TBX20: variants seen among roughly 807,000 people sequenced by gnomAD.
TBX20 encodes T-box transcription factor 20, also known as T-box transcription factor TBX20.
A neutral mutation model predicts 42.9 loss-of-function variants in TBX20; 8 were observed. The ratio of observed to expected loss-of-function variants is 0.19; its 90% CI spans 0.11 to 0.34. The LOEUF (loss-of-function observed/expected upper bound fraction) is 0.34. Among genes scored for constraint, TBX20 ranks in the 10% least tolerant of loss-of-function variants. The pLI is 1.00. For synonymous variants in TBX20, 198 were observed against 222.8 expected (o/e 0.89, Z 0.99); for missense variants, 411 against 566.0 (o/e 0.73, Z 2.78).
At chr7:35,243,569 A>T (rs570303973) in intron 4 of TBX20, among the ~76,000 whole-genome samples, 1 of 152,332 alleles carries the variant, frequency 6.6e-6, no homozygotes, top group East Asian at 1.9e-4. Context: ...CTTTCCCTGC[A>T]AAAATTTCCA....
intron 5 of TBX20, among the ~76,000 whole-genome samples, chr7:35,238,248 A>C (rs1293174135): frequency 1.3e-5 from 2 of 152,192 alleles, no homozygotes; most frequent in Admixed American, 6.5e-5. Flanking sequence ...AGACCCTCCT[A>C]TGATATGAGA....
At chr7:35,211,827 C>T (rs1165791056) in intron 6 of TBX20, among the ~76,000 whole-genome samples, 3 of 152,020 alleles carry the variant, frequency 2.0e-5, no homozygotes, top group Non-Finnish European at 2.9e-5. Flanking sequence ...TTATGTAATA[C>T]GTCTATCATT....
At position 35,249,821 on chromosome 7, in the gene TBX20, G is replaced by T; in HGVS notation, c.380+130C>A. The T allele has an allele frequency of 1.9e-6, 2 of 1,035,150 alleles. No homozygotes were observed. The highest frequency in any genetic ancestry group is 2.5e-5 in the East Asian group (1 of 39,404). The allele number at this position is 1,035,150 out of a possible 1,614,324, so 64.1% of individuals were successfully genotyped here. The stretch of plus-strand genomic sequence containing the variant: ...TAATGCAAGCTGGTGGAAAGCAGCT[G>T]CCCTGGAGCCAAGCTGTCTCTCCGC... On this transcript the variant is annotated intron_variant, in intron 2 of 7. Coordinates refer to ENST00000408931, the MANE Select transcript of TBX20 (RefSeq NM_001077653.2). The surrounding 1 kb of genome is among the most constrained non-coding windows in gnomAD (Gnocchi z 4.3).
At chr7:35,204,339 C>A in intron 7 of TBX20, 131 bp downstream of exon 7, 1 of 724,544 alleles carries the variant, frequency 1.4e-6, no homozygotes, top group Non-Finnish European at 2.5e-6. Context: ...TCTCCCTTCC[C>A]AAGGAGGCTC....
rs557609712 is a variant in TBX20, at chr7:35,212,334, A to G, written c.891-7752T>C. On this transcript the variant is annotated intron_variant, in intron 6 of 7. Coordinates refer to ENST00000408931, the MANE Select transcript of TBX20 (RefSeq NM_001077653.2). ...GAATGTATGGAATACAATCATACTA[A>G]GTGTCTGAATGTCCTTGTTATTAAT... Among the ~76,000 whole-genome samples, 18 of 152,278 alleles carry G rather than the reference A, an allele frequency of 1.2e-4. No homozygotes were observed. The South Asian group carries it at 3.7e-3, about 32-fold the overall frequency.
At chr7:35,238,689 G>A (rs1029083867) in intron 5 of TBX20, among the ~76,000 whole-genome samples, 2 of 152,210 alleles carry the variant, frequency 1.3e-5, no homozygotes, top group Non-Finnish European at 2.9e-5. Context: ...CAGATTCGCA[G>A]AGAAACAGCA....
In TBX20 at chr7:35,227,500, T is replaced by C. The variant is rs188005816; in HGVS notation, c.890+4004A>G. ...TTTAATGTTTAGGTACATAAATACC[T>C]ACCCTTGCATTACAATTGCTTACAG... On this transcript the variant is annotated intron_variant, in intron 6 of 7. Coordinates refer to ENST00000408931, the MANE Select transcript of TBX20 (RefSeq NM_001077653.2). Among the ~76,000 whole-genome samples, 325 of 152,292 alleles carry C rather than the reference T, an allele frequency of 2.1e-3. 6 individuals are homozygous for C. The highest frequency in any genetic ancestry group is 7.4e-3 in the African/African-American group (309 of 41,572).
chr7:35,246,828 C>T (rs189889008), intron 3 of TBX20, among the ~76,000 whole-genome samples: 106 of 151,960 alleles, frequency 7.0e-4, no homozygotes, highest in Middle Eastern at 6.8e-3. Flanking sequence ...AGAATAGTTG[C>T]TAAATTATCT....
chr7:35,211,429 T>A (rs578185147), intron 6 of TBX20, among the ~76,000 whole-genome samples: 16 of 152,296 alleles, frequency 1.1e-4, no homozygotes, highest in African/African-American at 3.8e-4. Flanking sequence ...GGTGGTGAAT[T>A]CTTCGCCTTT....
At chr7:35,237,654 G>T (rs1789992013) in intron 5 of TBX20, among the ~76,000 whole-genome samples, 1 of 152,072 alleles carries the variant, frequency 6.6e-6, no homozygotes, top group Non-Finnish European at 1.5e-5. Context: ...GGCATGTGAG[G>T]TTCATTTTAC....
At chr7:35,229,172 C>A (rs112055357) in intron 6 of TBX20, among the ~76,000 whole-genome samples, 2 of 152,100 alleles carry the variant, frequency 1.3e-5, no homozygotes, top group Admixed American at 1.3e-4. Flanking sequence ...ACATCATATT[C>A]AATTAGGTTA....
chr7:35,225,353 C>G (rs3864451), intron 6 of TBX20, among the ~76,000 whole-genome samples: 59,689 of 151,942 alleles, frequency 0.39, 13,306 homozygotes, highest in Middle Eastern at 0.53. Context: ...CATAATAACC[C>G]AAATTATTAT....
At chr7:35,244,549 G>A (rs1346021) in intron 4 of TBX20, among the ~76,000 whole-genome samples, 55,486 of 152,028 alleles carry the variant, frequency 0.36, 10,479 homozygotes, top group Admixed American at 0.46. Flanking sequence ...CCCCATCAGA[G>A]GTCCTAGCCC....
intron 5 of TBX20, among the ~76,000 whole-genome samples, chr7:35,234,410 C>T (rs1471088824): frequency 2.0e-5 from 3 of 152,196 alleles, no homozygotes; most frequent in Non-Finnish European, 4.4e-5. Context: ...TCTCAAAACA[C>T]ATGTTGCTCA....
At chr7:35,235,726 TC>T (rs1285401285) in intron 5 of TBX20, among the ~76,000 whole-genome samples, 11 of 152,174 alleles carry the variant, frequency 7.2e-5, no homozygotes, top group Admixed American at 2.0e-4. Flanking sequence ...AAATGTTCAC[TC>T]TTTTGGCATC....
At chr7:35,219,005 T>C (rs1222427268) in intron 6 of TBX20, among the ~76,000 whole-genome samples, 1 of 152,092 alleles carries the variant, frequency 6.6e-6, no homozygotes, top group East Asian at 1.9e-4. Flanking sequence ...GCCTCCAGAG[T>C]TGTAAGAAAT....
chr7:35,224,629 G>A (rs1415027295), intron 6 of TBX20, among the ~76,000 whole-genome samples: 20 of 151,292 alleles, frequency 1.3e-4, no homozygotes, highest in South Asian at 2.1e-4. Context: ...CTGAGATCGC[G>A]CCACTGCACT....
At chr7:35,231,837 T>A (rs1789872545) in intron 5 of TBX20, among the ~76,000 whole-genome samples, 1 of 152,088 alleles carries the variant, frequency 6.6e-6, no homozygotes, top group Non-Finnish European at 1.5e-5. Context: ...AAGGGAGCCT[T>A]TGAGGCAAAA....
chr7:35,216,124 A>C (rs1789585608), intron 6 of TBX20, among the ~76,000 whole-genome samples: 1 of 152,182 alleles, frequency 6.6e-6, no homozygotes, highest in African/African-American at 2.4e-5. Context: ...ACTGAAAGTA[A>C]TACTACTACT....
Sources: gnomAD v4.1 joint callset for allele counts (sites outside exome capture counted in the v4.1 genomes callset) on GRCh38, gnomAD v4.1.1 for gene constraint, Gnocchi (gnomAD v3.1) non-coding constraint, MANE v1.5 for transcripts, NCBI Gene and HGNC (gene_info 2026-07-23, HGNC 2026-07-21) for gene names.